HDC: variants seen among roughly 807,000 people sequenced by gnomAD.
HDC encodes the protein histidine decarboxylase.
A neutral mutation model predicts 64.4 loss-of-function variants in HDC; 27 were observed. That is an observed-to-expected ratio of 0.42 (90% confidence interval 0.31 to 0.58). The LOEUF (loss-of-function observed/expected upper bound fraction) is 0.58. HDC is among the 20% of genes least tolerant of loss of function. The pLI is 0.16. For missense variants in HDC, 711 were observed against 833.9 expected (o/e 0.85, Z 1.81); for synonymous variants, 305 against 314.2 (o/e 0.97, Z 0.31).
chr15:50,246,067 G>A (rs1314925312), intron 10 of HDC, among the ~76,000 whole-genome samples: 2 of 152,150 alleles, frequency 1.3e-5, no homozygotes, highest in East Asian at 3.8e-4. Context: ...CAGTGTAGTA[G>A]AAAGCAGCCC....
intron 10 of HDC, among the ~76,000 whole-genome samples, chr15:50,244,285 C>CTTTT (rs554623599): frequency 3.5e-4 from 37 of 105,182 alleles, no homozygotes; most frequent in African/African-American, 1.1e-3. Context: ...AGCTGAACCT[C>CTTTT]TTTTTTTTTT....
rs1567452449 is a variant in HDC at position 50,254,741 on chromosome 15, TCTCTC to T, written c.442-82_442-78del. 1,270 of 182,074 alleles carry T rather than the reference TCTCTC, an allele frequency of 7.0e-3. 7 individuals carry two copies. Among genetic ancestry groups the T allele is most frequent in the Middle Eastern group, 0.032 (21 of 662 alleles). 11.3% of individuals were successfully genotyped at this position (182,074 alleles called of 1,614,324 possible). On this transcript the variant is annotated intron_variant, in intron 4 of 11. Coordinates refer to ENST00000267845, the MANE Select transcript of HDC (RefSeq NM_002112.4). ...TTTCCCCAGGCTTTCTAGTTTTTTC[TCTCTC>T]TCTCTCTCTCTCTCTCTCTCTCTCT...
At chr15:50,246,885 G>C (rs2045489687) in intron 10 of HDC, among the ~76,000 whole-genome samples, 1 of 152,180 alleles carries the variant, frequency 6.6e-6, no homozygotes, top group East Asian at 1.9e-4. Flanking sequence ...GGTGGCAGCT[G>C]CTCATTGGTA....
chr15:50,242,609 T>C lies in HDC; in HGVS notation c.1640A>G (p.Asp547Gly), dbSNP rs1220298463. The C allele has an allele frequency of 6.2e-7, 1 of 1,614,054 alleles. No homozygotes were observed. The highest frequency in any genetic ancestry group is 8.5e-7 in the Non-Finnish European group (1 of 1,180,038). Residue 547 changes from aspartate (D) to glycine (G), a missense_variant, in exon 12 of 12, where the codon GAC becomes GGC. Asp to Gly is a moderately conservative substitution (Grantham distance 94). This residue lies in a region of HDC where 483 missense variants were observed against 540.9 expected (regional missense o/e 0.89). Transcript: ENST00000267845. ...TTCTGAAAAGCAGTCATCAACTGGG[T>C]CCAGCAGGGTTTCAAGATGGAGGCC... is the stretch of plus-strand genomic sequence containing the variant. ...ENGLHLETLL[D>G]PVDDCFSEEA...
At chr15:50,262,060 CAAG>C (rs2045711499) in intron 2 of HDC, among the ~76,000 whole-genome samples, 1 of 152,050 alleles carries the variant, frequency 6.6e-6, no homozygotes. Context: ...AGGCAAACCT[CAAG>C]CTGGCCTCAG....
rs750738762 is a variant in HDC, at chr15:50,242,738, G to C, written c.1511C>G (p.Thr504Arg). 1 of 1,614,018 alleles carries C rather than the reference G, an allele frequency of 6.2e-7. No homozygotes were observed. The highest frequency in any genetic ancestry group is 8.5e-7 in the Non-Finnish European group (1 of 1,180,024). The change falls in exon 12 of 12, where the codon ACG (threonine) becomes AGG (arginine). Residue 504 changes from threonine to arginine, a missense_variant. Thr to Arg is a moderately conservative substitution (Grantham distance 71, BLOSUM62 -1). This residue lies in a region of HDC where 483 missense variants were observed against 540.9 expected (regional missense o/e 0.89). Transcript: ENST00000267845. Reference sequence around the variant, plus strand: ...TGCCCCACTGACAGACTGAAGGGACGTTCCACAGGCCCAGGCTCTGGCACC... The same window carrying C: ...TGCCCCACTGACAGACTGAAGGGACCTTCCACAGGCCCAGGCTCTGGCACC... ...IRGARAWACGTSLQSVSGAGD... is the reference protein window; with the variant it reads ...IRGARAWACGRSLQSVSGAGD...
At chr15:50,263,205 A>G (rs1390661184) in intron 2 of HDC, 30 bp downstream of exon 2, 2 of 1,612,628 alleles carry the variant, frequency 1.2e-6, no homozygotes, top group South Asian at 2.2e-5. Context: ...CCTGAAATCC[A>G]GAACTGCCCT....
At chr15:50,261,883 A>G (rs1261487450) in intron 2 of HDC, among the ~76,000 whole-genome samples, 1 of 151,884 alleles carries the variant, frequency 6.6e-6, no homozygotes, top group Admixed American at 6.6e-5. Flanking sequence ...CTAATTTTGT[A>G]TTTTTAGTAG....
rs1381284473 is a variant in HDC at position 50,254,774 on chromosome 15, C to CTG, written c.442-111_442-110insCA. 7.6e-6 allele frequency: 7 copies of CTG among 926,234 alleles called. No individual in the cohort carries two copies. In the African/African-American group the frequency reaches 1.3e-4, roughly 17 times the overall value. 57.4% of individuals were successfully genotyped at this position (926,234 alleles called of 1,614,324 possible). The stretch of plus-strand genomic sequence containing the variant: ...TCTCTCTCTCTCTCTCTCTCTCTCT[C>CTG]TCTGTGTGTGTATGTGTTTGTGTAT... On this transcript the variant is annotated intron_variant, in intron 4 of 11. Coordinates refer to ENST00000267845, the MANE Select transcript of HDC (RefSeq NM_002112.4).
At chr15:50,252,207 C>T (rs1327910771) in intron 9 of HDC, among the ~76,000 whole-genome samples, 1 of 152,236 alleles carries the variant, frequency 6.6e-6, no homozygotes, top group Non-Finnish European at 1.5e-5. Context: ...CACACTGCCT[C>T]AAAGGCTGGT....
At position 50,257,276 on chromosome 15, in the gene HDC, G is replaced by A. The variant is rs2045644361; in HGVS notation, c.441+149C>T. The A allele has an allele frequency of 3.2e-6, 3 of 935,488 alleles. No individual in the cohort carries two copies. The South Asian group carries it at 4.1e-5, about 13-fold the overall frequency. 57.9% of individuals were successfully genotyped at this position (935,488 alleles called of 1,614,324 possible). A position where few individuals can be genotyped will look rare whatever the true frequency, so the allele number is the denominator to read the frequency against. ...CAGAAGCTGAGGTGGGAGTAGAGGT[G>A]GAAGCTGTGATGATGGTGCTGTTGG... On this transcript the variant is annotated intron_variant, in intron 4 of 11. Coordinates refer to ENST00000267845, the MANE Select transcript of HDC (RefSeq NM_002112.4).
chr15:50,257,598 GCC>G, intron 3 of HDC, 51 bp from the exon 4 acceptor site: 1 of 1,607,404 alleles, frequency 6.2e-7, no homozygotes, highest in Non-Finnish European at 8.5e-7. Flanking sequence ...GCACTGAGGT[GCC>G]CCCACGAGCT....
chr15:50,245,859 G>A (rs2045475265), intron 10 of HDC, among the ~76,000 whole-genome samples: 2 of 152,116 alleles, frequency 1.3e-5, no homozygotes, highest in South Asian at 2.1e-4. Context: ...TGGCACTACC[G>A]CACTTCAGCC....
In HDC at chr15:50,252,718, G is replaced by C. The variant is rs775446332; in HGVS notation, c.844C>G (p.Leu282Val). ...AGAAACCCCCGGAACTCGGGGCACA[G>C]GAAGGCAGTGCCTGCATAAGCAGCA... ...IDAAYAGTAF[L>V]CPEFRGFLKG... The change falls in exon 8 of 12, where the codon CTG becomes GTG. Residue 282 changes from leucine to valine, a missense_variant. Physicochemically the swap from Leu to Val is conservative, Grantham distance 32. Around this residue, in one of 3 missense-constraint regions of HDC, gnomAD observed 483 missense variants for 540.9 expected, o/e 0.89. Transcript: ENST00000267845. The C allele has an allele frequency of 1.9e-6, 3 of 1,614,138 alleles. No homozygotes were observed. The highest frequency in any genetic ancestry group is 1.7e-6 in the Non-Finnish European group (2 of 1,180,016).
In HDC at chr15:50,243,008, T is replaced by C; in HGVS notation, c.1243-2A>G. On this transcript the variant is annotated splice_acceptor_variant, in intron 11 of 11. Transcript: ENST00000267845. LOFTEE classifies it high-confidence loss of function. ...ATTTTCTGTGAGACAATTAGGACCC[T>C]GTTTGAAAAATAAAGGAAGTGAAGT... 4 of 1,614,106 alleles carry C rather than the reference T, an allele frequency of 2.5e-6. No homozygotes were observed. Among genetic ancestry groups the C allele is most frequent in the Non-Finnish European group, 3.4e-6 (4 of 1,180,016 alleles).
At chr15:50,244,244 C>G (rs915436939) in intron 10 of HDC, among the ~76,000 whole-genome samples, 3 of 148,482 alleles carry the variant, frequency 2.0e-5, no homozygotes, top group South Asian at 2.1e-4. Flanking sequence ...CTCATACTTA[C>G]TGCTCTATTT....
intron 1 of HDC, among the ~76,000 whole-genome samples, chr15:50,265,027 C>T (rs981389542): frequency 1.3e-5 from 2 of 152,224 alleles, no homozygotes; most frequent in Non-Finnish European, 2.9e-5. Flanking sequence ...TAGAAATAGA[C>T]ATTCAAGATT....
Position 50,243,253 on chromosome 15 carries a change from G to C in HDC, c.1141-9C>G, listed in dbSNP as rs1278831832. On this transcript the variant is annotated splice_polypyrimidine_tract_variant and intron_variant, in intron 10 of 11. Coordinates refer to ENST00000267845, the MANE Select transcript of HDC (RefSeq NM_002112.4). Reference sequence around the variant, plus strand: ...TTAGCCATTTCAGTACCCTGGAATTGCAAGTATAAAGAGAACTGAGATTAA... The same window carrying C: ...TTAGCCATTTCAGTACCCTGGAATTCCAAGTATAAAGAGAACTGAGATTAA... The C allele has an allele frequency of 6.5e-7, 1 of 1,531,182 alleles. No individual in the cohort carries two copies. Among genetic ancestry groups the C allele is most frequent in the South Asian group, 1.1e-5 (1 of 89,328 alleles). The allele number at this position is 1,531,182 out of a possible 1,614,324, so 94.8% of individuals were successfully genotyped here.
rs140080644 is a variant in HDC, at chr15:50,252,895, A to AG, written c.788-122dup. 3.5e-3 allele frequency: 3,441 copies of AG among 996,026 alleles called. 117 individuals are homozygous for AG. In the East Asian group the frequency reaches 0.067, roughly 19 times the overall value. 61.7% of individuals were successfully genotyped at this position (996,026 alleles called of 1,614,324 possible). The stretch of plus-strand genomic sequence containing the variant: ...TGTGCTTTGGCTAAATGAGAAACGG[A>AG]GGGGTGTGGAGATGGGAGCAGGTGG... On this transcript the variant is annotated intron_variant, in intron 7 of 11. Coordinates refer to ENST00000267845, the MANE Select transcript of HDC (RefSeq NM_002112.4).
Sources: gnomAD v4.1 joint callset for allele counts (sites outside exome capture counted in the v4.1 genomes callset) on GRCh38, gnomAD v4.1.1 for gene constraint, gnomAD v4.1.1 regional missense constraint, MANE v1.5 for transcripts, NCBI Gene and HGNC (gene_info 2026-07-23, HGNC 2026-07-21) for gene names.